The following MAMDC2 variants were observed in gnomAD, a reference collection of about 807,000 sequenced individuals.
MAMDC2 encodes MAM domain-containing protein 2.
In MAMDC2, 57 loss-of-function variants were observed where a neutral mutation model predicts 89.8. That is an observed-to-expected ratio of 0.63 (90% CI 0.51 to 0.79). MAMDC2 has a LOEUF of 0.79. Among genes scored for constraint, MAMDC2 ranks in the 30% least tolerant of loss-of-function variants. The pLI is 0.00. For missense variants in MAMDC2, 800 were observed against 820.6 expected, an observed-to-expected ratio of 0.97 and a Z score of 0.31; for synonymous variants, 313 against 293.4, an observed-to-expected ratio of 1.07 and a Z score of -0.68.
In MAMDC2 at chr9:70,044,161, T is replaced by G. The variant is rs917616618; in HGVS notation, c.-37T>G. The stretch of plus-strand genomic sequence containing the variant: ...AGCCAGTCCCAGCGGGCTGGCAACT[T>G]GCACCCCTTCCTAGTCATCCTCCCT... On this transcript the variant is annotated 5_prime_UTR_variant, in exon 1 of 14. Coordinates refer to ENST00000377182, the MANE Select transcript of MAMDC2 (RefSeq NM_153267.5). 3.7e-6 allele frequency: 6 copies of G among 1,613,316 alleles called. No homozygotes were observed. The highest frequency in any genetic ancestry group is 5.1e-6 in the Non-Finnish European group (6 of 1,179,762).
chr9:70,089,576 G>C (rs972740454), intron 2 of MAMDC2, among the ~76,000 whole-genome samples: 1 of 152,124 alleles, frequency 6.6e-6, no homozygotes, highest in African/African-American at 2.4e-5. Context: ...CAAGGGGAGG[G>C]GAGTGGGGAC....
In MAMDC2 at chr9:70,113,085, A is replaced by G; in HGVS notation, c.596A>G (p.Asn199Ser). The change falls in exon 5 of 14, where the codon AAT becomes AGT. Residue 199 changes from asparagine (N) to serine (S), a missense_variant. Transcript: ENST00000377182. ...TTTGTTGGAGGAGGAAGTATTCGGA[A>G]TGTCCACTCCATTCTCCCACAGGAT... Reference protein sequence around the residue: ...NWFVGGGSIRNVHSILPQDHT... With the variant: ...NWFVGGGSIRSVHSILPQDHT... 6.2e-7 allele frequency: 1 copy of G among 1,614,096 alleles called. No homozygotes were observed. The highest frequency in any genetic ancestry group is 8.5e-7 in the Non-Finnish European group (1 of 1,179,988).
At chr9:70,147,422 A>G (rs771379712) in intron 9 of MAMDC2, among the ~76,000 whole-genome samples, 3 of 149,912 alleles carry the variant, frequency 2.0e-5, no homozygotes, top group Non-Finnish European at 3.0e-5. Context: ...ACTCCCTACT[A>G]TGAAAGAGAA....
intron 2 of MAMDC2, among the ~76,000 whole-genome samples, chr9:70,084,145 T>G (rs1030870143): frequency 6.6e-6 from 1 of 152,142 alleles, no homozygotes; most frequent in South Asian, 2.1e-4. Context: ...TCTCAAAGTA[T>G]ATACTGTGAG....
At chr9:70,070,354 C>T (rs897898370) in intron 2 of MAMDC2, among the ~76,000 whole-genome samples, 1 of 152,186 alleles carries the variant, frequency 6.6e-6, no homozygotes, top group Non-Finnish European at 1.5e-5. Flanking sequence ...TGGCTCAGTC[C>T]TTATCAACAG....
At chr9:70,142,891 C>T (rs545237243) in intron 8 of MAMDC2, among the ~76,000 whole-genome samples, 1 of 152,216 alleles carries the variant, frequency 6.6e-6, no homozygotes, top group Admixed American at 6.5e-5. Flanking sequence ...GATACACAAA[C>T]TCATTTTAAA....
intron 11 of MAMDC2, among the ~76,000 whole-genome samples, chr9:70,209,522 CTTTT>C (rs1444663694): frequency 2.9e-5 from 4 of 139,178 alleles, no homozygotes; most frequent in African/African-American, 8.0e-5. Flanking sequence ...CTTCTCTGTT[CTTTT>C]TTATTAGTCT....
chr9:70,209,235 A>C (rs955822666), intron 11 of MAMDC2, among the ~76,000 whole-genome samples: 2 of 152,194 alleles, frequency 1.3e-5, no homozygotes, highest in Admixed American at 1.3e-4. Flanking sequence ...CTCTGGTAGA[A>C]TTCGGCTGTG....
rs1346821925 is a variant in MAMDC2, at chr9:70,113,150, A to G, written c.643+18A>G. ...TGAACTGGGTGAGCTGGGATCAAAT[A>G]GAGTCCTTTTCCCAGGATAAATTTT... is the stretch of plus-strand genomic sequence containing the variant. On this transcript the variant is annotated intron_variant, in intron 5 of 13. Transcript: ENST00000377182. The G allele has an allele frequency of 3.7e-6, 6 of 1,613,306 alleles. No homozygotes were observed. The highest frequency in any genetic ancestry group is 4.2e-6 in the Non-Finnish European group (5 of 1,179,748).
rs751052459 is a variant in MAMDC2, at chr9:70,112,978, T to C, written c.506-17T>C. Reference sequence around the variant, plus strand: ...GTGACTGTGTCTCCATGAAGTGTTTTTGTTTCCCTTCCCCAGAATGTGACT... The same window carrying C: ...GTGACTGTGTCTCCATGAAGTGTTTCTGTTTCCCTTCCCCAGAATGTGACT... On this transcript the variant is annotated splice_polypyrimidine_tract_variant and intron_variant, in intron 4 of 13. Transcript: ENST00000377182. 1.2e-6 allele frequency: 2 copies of C among 1,613,900 alleles called. No individual in the cohort carries two copies. The highest frequency in any genetic ancestry group is 1.3e-5 in the African/African-American group (1 of 74,924).
At chr9:70,200,848 CTGTT>C (rs1350811984) in intron 11 of MAMDC2, among the ~76,000 whole-genome samples, 2 of 148,442 alleles carry the variant, frequency 1.3e-5, no homozygotes, top group Non-Finnish European at 3.0e-5. Flanking sequence ...ATTTGGGTCT[CTGTT>C]TGTCTGTTGT....
chr9:70,179,877 T>TTTTTTG (rs946981659), intron 11 of MAMDC2, among the ~76,000 whole-genome samples: 5 of 151,180 alleles, frequency 3.3e-5, no homozygotes, highest in Admixed American at 1.3e-4. Flanking sequence ...ATATTCCTTT[T>TTTTTTG]TTTTTTTTAC....
chr9:70,118,297 A>AACACACACACACACACACACACACACAC (rs6151026), intron 5 of MAMDC2, among the ~76,000 whole-genome samples: 35 of 140,550 alleles, frequency 2.5e-4, no homozygotes, highest in East Asian at 4.4e-4. Context: ...ATCCCCACTC[A>AACACACACACACACACACACACACACAC]ACACACACAC....
At chr9:70,109,036 A>T (rs187897456) in intron 3 of MAMDC2, among the ~76,000 whole-genome samples, 1 of 152,334 alleles carries the variant, frequency 6.6e-6, no homozygotes, top group East Asian at 1.9e-4. Context: ...TGGATAAGGA[A>T]GGAGGATGGG....
At chr9:70,215,027 T>C (rs979769675) in intron 11 of MAMDC2, among the ~76,000 whole-genome samples, 9 of 152,124 alleles carry the variant, frequency 5.9e-5, no homozygotes, top group African/African-American at 2.2e-4. Context: ...ATATTTGGTA[T>C]TTAAAGCCCT....
At chr9:70,163,952 C>CAAA (rs34029718) in intron 9 of MAMDC2, among the ~76,000 whole-genome samples, 2,803 of 69,884 alleles carry the variant, frequency 0.04, 136 homozygotes, top group East Asian at 0.2. Context: ...GACTCTGTCT[C>CAAA]AAAAAAAAAA....
At chr9:70,093,753 G>A (rs1827963471) in intron 2 of MAMDC2, 1 of 152,100 alleles carries the variant, frequency 6.6e-6, no homozygotes, top group Non-Finnish European at 1.5e-5. Flanking sequence ...ACATTTCTAT[G>A]TTTAGAAGGA....
intron 2 of MAMDC2, among the ~76,000 whole-genome samples, chr9:70,092,980 T>C (rs1027732118): frequency 2.0e-5 from 3 of 152,196 alleles, no homozygotes; most frequent in African/African-American, 7.2e-5. Context: ...GCTTTTATCC[T>C]TTATAATAGA....
At chr9:70,107,113 C>T (rs757383627) in intron 2 of MAMDC2, among the ~76,000 whole-genome samples, 21 of 152,122 alleles carry the variant, frequency 1.4e-4, no homozygotes, top group Middle Eastern at 3.4e-3. Flanking sequence ...TGGGGCCCTC[C>T]GAGAAAGCAT....
Sources: allele counts gnomAD v4.1 joint callset (sites outside exome capture counted in the v4.1 genomes callset), GRCh38; gene constraint gnomAD v4.1.1; transcripts MANE v1.5; gene names NCBI Gene and HGNC (gene_info 2026-07-23, HGNC 2026-07-21).